Variants in WWOX observed in about 807,000 individuals in gnomAD.
WWOX encodes WW domain-containing oxidoreductase.
WWOX carries 69 observed loss-of-function variants against 46.2 expected under a neutral mutation model. That is an observed-to-expected ratio of 1.49 (90% CI 1.23 to 1.82). The LOEUF (loss-of-function observed/expected upper bound fraction) is 1.82. Ranked by LOEUF, WWOX falls within the 40% of genes most tolerant of loss-of-function variation. WWOX has a pLI of 0.00. For synonymous variants in WWOX, 359 were observed against 202.6 expected (o/e 1.77, Z -6.56); for missense variants, 919 against 542.6 (o/e 1.69, Z -6.89).
At chr16:78,375,753 T>C (rs1265053046) in intron 5 of WWOX, among the ~76,000 whole-genome samples, 1 of 152,150 alleles carries the variant, frequency 6.6e-6, no homozygotes, top group Non-Finnish European at 1.5e-5. Context: ...AGTATTTGTA[T>C]TGCAGCATTG....
intron 8 of WWOX, among the ~76,000 whole-genome samples, chr16:78,944,712 C>T (rs945253610): frequency 6.6e-6 from 1 of 152,084 alleles, no homozygotes; most frequent in Non-Finnish European, 1.5e-5. Context: ...CAAAAGCCAA[C>T]TTGAGACCTC....
At chr16:78,435,893 G>C (rs2083324131) in intron 8 of WWOX, among the ~76,000 whole-genome samples, 1 of 152,198 alleles carries the variant, frequency 6.6e-6, no homozygotes, top group African/African-American at 2.4e-5. Flanking sequence ...GATGGATATA[G>C]AATTTCTGCA....
Position 78,796,012 on chromosome 16 carries a change from C to G in WWOX, c.1056+363260C>G, listed in dbSNP as rs146584119. On this transcript the variant is annotated intron_variant, in intron 8 of 8. Transcript: ENST00000566780. ...TTGTGAATGTTTAAATATCCTAAGA[C>G]CCACTAAGGAAGTTTGTGGCAATAT... Among the ~76,000 whole-genome samples the G allele has an allele frequency of 9.0e-3, 1,375 of 152,180 alleles. 25 individuals carry two copies. Among genetic ancestry groups the G allele is most frequent in the African/African-American group, 0.031 (1,305 of 41,496 alleles).
At chr16:78,667,428 T>C (rs1421800945) in intron 8 of WWOX, among the ~76,000 whole-genome samples, 2 of 152,090 alleles carry the variant, frequency 1.3e-5, no homozygotes, top group Non-Finnish European at 2.9e-5. Context: ...CCCAACACTT[T>C]GGGAGGCCGA....
At chr16:78,425,171 G>T (rs2083047388) in intron 7 of WWOX, 116 bp downstream of exon 7, 3 of 1,394,702 alleles carry the variant, frequency 2.2e-6, no homozygotes, top group Middle Eastern at 2.5e-4. Flanking sequence ...CATGTGGGTG[G>T]ACTCAGCTTG....
chr16:78,976,811 T>C (rs2046581759), intron 8 of WWOX, among the ~76,000 whole-genome samples: 1 of 152,202 alleles, frequency 6.6e-6, no homozygotes, highest in South Asian at 2.1e-4. Context: ...GCTGACAGTG[T>C]CAGTGTCTTT....
chr16:79,163,293 C>G (rs76732011), intron 8 of WWOX, among the ~76,000 whole-genome samples: 3 of 152,098 alleles, frequency 2.0e-5, no homozygotes, highest in African/African-American at 4.8e-5. Flanking sequence ...GTTAAACATC[C>G]AAGCATTGAA....
chr16:78,505,023 G>A (rs1486282430), intron 8 of WWOX, among the ~76,000 whole-genome samples: 1 of 152,136 alleles, frequency 6.6e-6, no homozygotes, highest in East Asian at 1.9e-4. Flanking sequence ...GATAAATGGT[G>A]TATTTCACAC....
At chr16:78,827,162 C>A (rs948067413) in intron 8 of WWOX, among the ~76,000 whole-genome samples, 1 of 152,156 alleles carries the variant, frequency 6.6e-6, no homozygotes, top group Non-Finnish European at 1.5e-5. Flanking sequence ...GTTCCCCCAA[C>A]TGCAAAGTAC....
intron 8 of WWOX, among the ~76,000 whole-genome samples, chr16:78,756,344 G>A (rs1034643087): frequency 2.0e-5 from 3 of 152,060 alleles, no homozygotes; most frequent in Admixed American, 2.0e-4. Context: ...TCAATAAAAT[G>A]AGCAGCTTTG....
chr16:78,153,968 G>T (rs1471986640), intron 4 of WWOX, among the ~76,000 whole-genome samples: 1 of 152,054 alleles, frequency 6.6e-6, no homozygotes, highest in Non-Finnish European at 1.5e-5. Context: ...TGTTTTTTGT[G>T]CCTGAGGATT....
chr16:79,167,155 TGATC>T (rs2050610858), intron 8 of WWOX, among the ~76,000 whole-genome samples: 1 of 152,190 alleles, frequency 6.6e-6, no homozygotes, highest in Non-Finnish European at 1.5e-5. Flanking sequence ...TTGGCCAAGC[TGATC>T]TGGAACTCAT....
intron 8 of WWOX, among the ~76,000 whole-genome samples, chr16:79,104,782 TG>T (rs915552352): frequency 1.3e-5 from 2 of 152,104 alleles, no homozygotes; most frequent in African/African-American, 4.8e-5. Flanking sequence ...ATGCCAAGAA[TG>T]CACGCTGGGA....
At chr16:78,316,760 G>C (rs1340310235) in intron 5 of WWOX, among the ~76,000 whole-genome samples, 1 of 152,180 alleles carries the variant, frequency 6.6e-6, no homozygotes, top group African/African-American at 2.4e-5. Context: ...TGATGGTAAA[G>C]TAATTGCTTT....
At chr16:78,419,601 C>T (rs542051336) in intron 6 of WWOX, among the ~76,000 whole-genome samples, 8 of 78,120 alleles carry the variant, frequency 1.0e-4, no homozygotes, top group Non-Finnish European at 1.9e-4. Flanking sequence ...ATCACACTTG[C>T]ATAAACTACA....
At chr16:78,248,727 C>A (rs573443527) in intron 5 of WWOX, among the ~76,000 whole-genome samples, 35 of 151,818 alleles carry the variant, frequency 2.3e-4, no homozygotes, top group Non-Finnish European at 1.5e-5. Flanking sequence ...CAGAGCGAGA[C>A]CCCATTTCAA....
intron 8 of WWOX, among the ~76,000 whole-genome samples, chr16:78,513,300 G>C (rs985788455): frequency 2.6e-5 from 4 of 152,182 alleles, no homozygotes; most frequent in Non-Finnish European, 4.4e-5. Flanking sequence ...GAATTTGTAG[G>C]AGCTTGAATA....
intron 8 of WWOX, among the ~76,000 whole-genome samples, chr16:79,189,805 G>T (rs1597459868): frequency 6.6e-6 from 1 of 151,520 alleles, no homozygotes; most frequent in South Asian, 2.1e-4. Flanking sequence ...TGGGAGGGGG[G>T]GGATATTTAT....
chr16:78,864,791 C>G (rs2043967537), intron 8 of WWOX, among the ~76,000 whole-genome samples: 1 of 118,622 alleles, frequency 8.4e-6, no homozygotes, highest in African/African-American at 3.3e-5. Context: ...TTGAGACAGT[C>G]TCACTCTATT....
Sources: gnomAD v4.1 joint callset for allele counts (sites outside exome capture counted in the v4.1 genomes callset) on GRCh38, gnomAD v4.1.1 for gene constraint, MANE v1.5 for transcripts, NCBI Gene and HGNC (gene_info 2026-07-23, HGNC 2026-07-21) for gene names.